Variants in TDRD7 observed in about 807,000 individuals in gnomAD.
TDRD7 encodes tudor domain containing 7.
In TDRD7, 47 loss-of-function variants were observed where a neutral mutation model predicts 109.8. That is an observed-to-expected ratio of 0.43 (90% CI 0.34 to 0.55). The LOEUF (loss-of-function observed/expected upper bound fraction) is 0.55. Ranked by LOEUF, TDRD7 falls within the 20% of genes least tolerant of loss-of-function variation. TDRD7 has a pLI of 0.03. For synonymous variants in TDRD7, 424 were observed against 457.3 expected, an observed-to-expected ratio of 0.93 and a Z score of 0.93; for missense variants, 1,164 against 1,319.2, an observed-to-expected ratio of 0.88 and a Z score of 1.82.
Position 97,472,309 on chromosome 9 carries a change from C to T in TDRD7, c.1758C>T (p.Ser586=), listed in dbSNP as rs751761643. The change falls in exon 10 of 17, where the codon AGC becomes AGT. Residue 586 remains serine (S), a synonymous_variant. Transcript: ENST00000355295. ...KCKLAGLEVL[S]DDPDLVKVVE... is the part of the protein sequence containing the mutation. ...ATTTTTCAGGCTTGGAAGTCCTAAG[C>T]GATGACCCTGATCTAGTGAAGGTGG... is the stretch of plus-strand genomic sequence containing the variant. The T allele has an allele frequency of 1.5e-5, 25 of 1,613,586 alleles. No homozygotes were observed. The South Asian group carries it at 1.8e-4, about 11-fold the overall frequency.
Position 97,460,407 on chromosome 9 carries a change from C to T in TDRD7, c.1085C>T (p.Pro362Leu), listed in dbSNP as rs768158623. The change falls in exon 7 of 17, where the codon CCG (proline) becomes CTG (leucine). Residue 362 changes from proline to leucine, a missense_variant. Pro to Leu is a moderately conservative substitution (Grantham distance 98, BLOSUM62 -3). Transcript: ENST00000355295. The stretch of plus-strand genomic sequence containing the variant: ...AGTGGCCTTTGGGCCAGTGCACTTC[C>T]GAAAGCATTTGAGGAAATGTACAAA... ...YTSGLWASAL[P>L]KAFEEMYKVK... The T allele has an allele frequency of 5.6e-6, 9 of 1,614,164 alleles. No individual in the cohort carries two copies. The highest frequency in any genetic ancestry group is 7.6e-6 in the Non-Finnish European group (9 of 1,180,042).
At chr9:97,493,575 G>C (rs977818677) in intron 16 of TDRD7, among the ~76,000 whole-genome samples, 1 of 152,190 alleles carries the variant, frequency 6.6e-6, no homozygotes, top group African/African-American at 2.4e-5. Context: ...CGTTGTCATT[G>C]ATAACATCTT....
At position 97,432,228 on chromosome 9, in the gene TDRD7, A is replaced by G. The variant is rs563791951; in HGVS notation, c.553A>G (p.Thr185Ala). The change falls in exon 4 of 17, where the codon ACC becomes GCC. Residue 185 changes from threonine (T) to alanine (A), a missense_variant. By Grantham distance (58) the Thr-to-Ala change is moderately conservative (BLOSUM62 0). Coordinates refer to ENST00000355295, the MANE Select transcript of TDRD7 (RefSeq NM_014290.3). ...AGTGCAAAGGCATGTGACCATGTCC[A>G]CCAACAACAGGTATTTGGCCTCTGA... is the stretch of plus-strand genomic sequence containing the variant. ...IPVQRHVTMSTNNRFSPKASL... is the reference protein window; with the variant it reads ...IPVQRHVTMSANNRFSPKASL... 3 of 1,613,694 alleles carry G rather than the reference A, an allele frequency of 1.9e-6. No homozygotes were observed. The highest frequency in any genetic ancestry group is 2.7e-5 in the African/African-American group (2 of 75,024).
In TDRD7 at chr9:97,425,466, A is replaced by G. The variant is rs555575466; in HGVS notation, c.-6-2994A>G. ...TGTACAGGTGTGTAGCCTGGGAGCA[A>G]TAGGTTATACCATATAGCCTAGGTG... On this transcript the variant is annotated intron_variant, in intron 1 of 16. Transcript: ENST00000355295. Among the ~76,000 whole-genome samples the G allele has an allele frequency of 1.2e-4, 18 of 152,322 alleles. 1 individual carries two copies. The highest frequency in any genetic ancestry group is 4.1e-4 in the African/African-American group (17 of 41,570).
intron 1 of TDRD7, among the ~76,000 whole-genome samples, chr9:97,425,908 A>G (rs954382296): frequency 5.3e-5 from 8 of 152,210 alleles, no homozygotes; most frequent in African/African-American, 7.2e-5. Context: ...TGTGGTATAT[A>G]GCCTGTTGTT....
At chr9:97,441,905 T>C in intron 6 of TDRD7, 30 bp downstream of exon 6, 1 of 1,581,038 alleles carries the variant, frequency 6.3e-7, no homozygotes, top group Non-Finnish European at 8.7e-7. Context: ...TCCCTTCTGA[T>C]ACCTCCTCCC....
At chr9:97,426,224 A>G (rs1392404712) in intron 1 of TDRD7, among the ~76,000 whole-genome samples, 3 of 152,184 alleles carry the variant, frequency 2.0e-5, no homozygotes, top group African/African-American at 7.2e-5. Flanking sequence ...CTTAGGCGAC[A>G]CTAAATTTAT....
chr9:97,463,890 T>C (rs1828774743), intron 7 of TDRD7, among the ~76,000 whole-genome samples: 1 of 152,232 alleles, frequency 6.6e-6, no homozygotes, highest in African/African-American at 2.4e-5. Context: ...TAGAATATGG[T>C]ACCTCTTTTA....
intron 16 of TDRD7, among the ~76,000 whole-genome samples, chr9:97,490,719 T>A (rs1374853179): frequency 2.6e-5 from 4 of 151,790 alleles, no homozygotes; most frequent in Non-Finnish European, 5.9e-5. Context: ...TTGATAGATC[T>A]TGGATTTTTG....
intron 1 of TDRD7, among the ~76,000 whole-genome samples, chr9:97,421,134 CAAA>C (rs556240135): frequency 9.3e-5 from 7 of 75,162 alleles, no homozygotes; most frequent in East Asian, 3.5e-4. Flanking sequence ...GACTCTGTCT[CAAA>C]AAAAAAAAAA....
intron 2 of TDRD7, among the ~76,000 whole-genome samples, chr9:97,430,063 A>AG: frequency 6.6e-6 from 1 of 152,300 alleles, no homozygotes; most frequent in East Asian, 1.9e-4. Flanking sequence ...AACATATTTT[A>AG]GCTTGTGACA....
chr9:97,450,525 A>G (rs911186068), intron 6 of TDRD7, among the ~76,000 whole-genome samples: 4 of 152,196 alleles, frequency 2.6e-5, no homozygotes, highest in Non-Finnish European at 4.4e-5. Context: ...TCATTTGTGA[A>G]GACCATAAGA....
intron 8 of TDRD7, among the ~76,000 whole-genome samples, chr9:97,467,136 A>C (rs1312135614): frequency 6.6e-6 from 1 of 152,016 alleles, no homozygotes; most frequent in Non-Finnish European, 1.5e-5. Flanking sequence ...TCCTAGATAA[A>C]CTTCTGTTTC....
chr9:97,467,338 A>G (rs1828837447), intron 8 of TDRD7, among the ~76,000 whole-genome samples: 1 of 152,246 alleles, frequency 6.6e-6, no homozygotes, highest in African/African-American at 2.4e-5. Flanking sequence ...TAGGGCAGTC[A>G]CTTTCTTTCC....
intron 6 of TDRD7, among the ~76,000 whole-genome samples, chr9:97,459,162 T>C (rs561474280): frequency 6.6e-6 from 1 of 152,308 alleles, no homozygotes; most frequent in South Asian, 2.1e-4. Context: ...GGTAAATGTT[T>C]AGGCTCTGCA....
At chr9:97,459,752 G>T (rs569686306) in intron 6 of TDRD7, among the ~76,000 whole-genome samples, 1 of 152,286 alleles carries the variant, frequency 6.6e-6, no homozygotes, top group East Asian at 1.9e-4. Context: ...AAGAGAGATG[G>T]CACTCCTATT....
intron 1 of TDRD7, among the ~76,000 whole-genome samples, chr9:97,419,975 C>T (rs1297416001): frequency 6.6e-6 from 1 of 151,870 alleles, no homozygotes; most frequent in Non-Finnish European, 1.5e-5. Context: ...TAATAGCCTC[C>T]CAGCATTATT....
chr9:97,414,827 A>G (rs1028441228), intron 1 of TDRD7, among the ~76,000 whole-genome samples: 2 of 152,224 alleles, frequency 1.3e-5, no homozygotes, highest in African/African-American at 4.8e-5. Flanking sequence ...TAGAAAGAAA[A>G]GAGCATTTAA....
intron 10 of TDRD7, among the ~76,000 whole-genome samples, chr9:97,472,946 A>G (rs1219432606): frequency 2.0e-5 from 3 of 152,214 alleles, no homozygotes; most frequent in Admixed American, 6.5e-5. Flanking sequence ...CATAGAAACA[A>G]TGGGAAAACT....
Sources: allele counts gnomAD v4.1 joint callset (sites outside exome capture counted in the v4.1 genomes callset), GRCh38; gene constraint gnomAD v4.1.1; transcripts MANE v1.5; gene names NCBI Gene and HGNC (gene_info 2026-07-23, HGNC 2026-07-21).